The following ADAMTS20 variants were observed in gnomAD, a reference collection of about 807,000 sequenced individuals.
The protein encoded by ADAMTS20 is A disintegrin and metalloproteinase with thrombospondin motifs 20.
A neutral mutation model predicts 260.1 loss-of-function variants in ADAMTS20; 225 were observed. The ratio of observed to expected loss-of-function variants is 0.87; its 90% CI spans 0.78 to 0.97. ADAMTS20 has a LOEUF of 0.97. ADAMTS20 is among the 50% of genes least tolerant of loss of function. The probability of loss-of-function intolerance (pLI) is 0.00; values close to 1 mark genes in which losing one functional copy is unlikely to be tolerated. For missense variants in ADAMTS20, 2,400 were observed against 2,337.7 expected, an observed-to-expected ratio of 1.03 and a Z score of -0.55; for synonymous variants, 802 against 769.5, an observed-to-expected ratio of 1.04 and a Z score of -0.70.
At chr12:43,481,166 T>G (rs1013005545) in intron 7 of ADAMTS20, among the ~76,000 whole-genome samples, 2 of 152,176 alleles carry the variant, frequency 1.3e-5, no homozygotes, top group African/African-American at 4.8e-5. Context: ...GCACATTTTT[T>G]GTGTGTGAAA....
chr12:43,550,078 G>A (rs1025617703), intron 2 of ADAMTS20, among the ~76,000 whole-genome samples: 17 of 152,114 alleles, frequency 1.1e-4, no homozygotes, highest in Admixed American at 1.1e-3. Flanking sequence ...AGTTACTGAT[G>A]GAGTGAGCCT....
At chr12:43,485,299 C>T (rs1392017003) in intron 7 of ADAMTS20, among the ~76,000 whole-genome samples, 1 of 151,984 alleles carries the variant, frequency 6.6e-6, no homozygotes, top group Non-Finnish European at 1.5e-5. Flanking sequence ...TGATTCATCA[C>T]ATAAACAATT....
intron 29 of ADAMTS20, among the ~76,000 whole-genome samples, chr12:43,394,753 A>G (rs945753733): frequency 6.6e-6 from 1 of 152,090 alleles, no homozygotes; most frequent in Non-Finnish European, 1.5e-5. Context: ...GGATAACGAT[A>G]ACTAGTATAA....
At chr12:43,476,940 A>G (rs1470217258) in intron 7 of ADAMTS20, among the ~76,000 whole-genome samples, 6 of 150,450 alleles carry the variant, frequency 4.0e-5, no homozygotes, top group Non-Finnish European at 7.4e-5. Context: ...GCACATGTAT[A>G]CATATGTAAC....
intron 38 of ADAMTS20, 92 bp downstream of exon 38, chr12:43,356,392 C>T: frequency 1.3e-6 from 1 of 745,552 alleles, no homozygotes; most frequent in Non-Finnish European, 2.2e-6. Context: ...TCATCAATTT[C>T]ATATAAGTTT....
chr12:43,498,035 C>T (rs900266286), intron 4 of ADAMTS20, among the ~76,000 whole-genome samples: 1 of 151,950 alleles, frequency 6.6e-6, no homozygotes, highest in Admixed American at 6.6e-5. Flanking sequence ...ATATATATGC[C>T]ATTTTAACCT....
At chr12:43,471,926 C>A (rs1299122560) in intron 7 of ADAMTS20, among the ~76,000 whole-genome samples, 1 of 142,408 alleles carries the variant, frequency 7.0e-6, no homozygotes, top group African/African-American at 2.6e-5. Flanking sequence ...AAACGCAGAG[C>A]GCCTCTCCTC....
intron 7 of ADAMTS20, among the ~76,000 whole-genome samples, chr12:43,470,691 C>A (rs1223619974): frequency 1.3e-5 from 2 of 152,164 alleles, no homozygotes; most frequent in Non-Finnish European, 2.9e-5. Context: ...AATCATTCTG[C>A]AACATATTTT....
At chr12:43,544,644 C>CA (rs1179820108) in intron 2 of ADAMTS20, among the ~76,000 whole-genome samples, 1 of 152,178 alleles carries the variant, frequency 6.6e-6, no homozygotes, top group Non-Finnish European at 1.5e-5. Context: ...AGGGAAAGGA[C>CA]ATTCTATACA....
chr12:43,538,911 A>T (rs1278231048), intron 2 of ADAMTS20, among the ~76,000 whole-genome samples: 4 of 149,006 alleles, frequency 2.7e-5, no homozygotes, highest in African/African-American at 1.0e-4. Flanking sequence ...TTCTCATCCT[A>T]TATCCTTGGG....
chr12:43,531,985 ATTTAAATAGTATCAC>A, intron 3 of ADAMTS20, 36 bp downstream of exon 3: 1 of 1,213,204 alleles, frequency 8.2e-7, no homozygotes, highest in South Asian at 2.8e-5. Context: ...ATAAAAAAAG[ATTTAAATAGTATCAC>A]TATTTAGCTG....
intron 28 of ADAMTS20, among the ~76,000 whole-genome samples, chr12:43,415,625 A>G (rs963930808): frequency 7.9e-5 from 12 of 152,150 alleles, no homozygotes; most frequent in Non-Finnish European, 1.6e-4. Context: ...GTGAGCTACT[A>G]TTTTCATTCT....
At chr12:43,461,822 C>A (rs1942070483) in intron 11 of ADAMTS20, among the ~76,000 whole-genome samples, 1 of 151,866 alleles carries the variant, frequency 6.6e-6, no homozygotes, top group Non-Finnish European at 1.5e-5. Context: ...ATCCACCAAA[C>A]AGAAACATTA....
chr12:43,405,455 AATAAT>A (rs1157729988), intron 28 of ADAMTS20, among the ~76,000 whole-genome samples: 12 of 130,086 alleles, frequency 9.2e-5, no homozygotes, highest in African/African-American at 3.0e-4. Flanking sequence ...TAATAATAAT[AATAAT>A]AAATTAAATA....
intron 37 of ADAMTS20, among the ~76,000 whole-genome samples, chr12:43,364,492 C>T (rs1336208636): frequency 1.3e-5 from 2 of 152,048 alleles, no homozygotes; most frequent in Non-Finnish European, 2.9e-5. Flanking sequence ...AACTGTGTCT[C>T]ATCAAATAGA....
chr12:43,446,454 G>T, intron 15 of ADAMTS20, 141 bp downstream of exon 15: 2 of 577,916 alleles, frequency 3.5e-6, no homozygotes, highest in Non-Finnish European at 5.9e-6. Flanking sequence ...TTATATTTAG[G>T]AAATTTTTCC....
intron 28 of ADAMTS20, among the ~76,000 whole-genome samples, chr12:43,400,481 C>T (rs1436704435): frequency 3.9e-5 from 6 of 151,916 alleles, no homozygotes; most frequent in South Asian, 2.1e-4. Flanking sequence ...TAGATGTTCT[C>T]GACCTCTCCT....
chr12:43,504,043 T>C (rs574503173), intron 3 of ADAMTS20, among the ~76,000 whole-genome samples: 35 of 152,276 alleles, frequency 2.3e-4, no homozygotes, highest in African/African-American at 8.4e-4. Context: ...TGTGTCTTTA[T>C]AGAACAATTT....
chr12:43,375,144 C>A (rs1940193414), intron 36 of ADAMTS20, among the ~76,000 whole-genome samples: 1 of 138,370 alleles, frequency 7.2e-6, no homozygotes, highest in South Asian at 2.4e-4. Flanking sequence ...TGCACTCCAG[C>A]CTGGGCAGTA....
Sources: gnomAD v4.1 joint callset for allele counts (sites outside exome capture counted in the v4.1 genomes callset) on GRCh38, gnomAD v4.1.1 for gene constraint, MANE v1.5 for transcripts, NCBI Gene and HGNC (gene_info 2026-07-23, HGNC 2026-07-21) for gene names.